PLCL2: variants seen among roughly 807,000 people sequenced by gnomAD.
The protein encoded by PLCL2 is phospholipase C like 2.
In PLCL2, 4 loss-of-function variants were observed where a neutral mutation model predicts 79.6. The observed-to-expected ratio is 0.05, with a 90% confidence interval of 0.02 to 0.11. The LOEUF (loss-of-function observed/expected upper bound fraction) is 0.11, where lower values mean the gene tolerates loss of function less well. Ranked by LOEUF, PLCL2 falls within the 10% of genes least tolerant of loss-of-function variation. PLCL2 has a pLI of 1.00. For synonymous variants in PLCL2, 484 were observed against 457.7 expected, an observed-to-expected ratio of 1.06 and a Z score of -0.73; for missense variants, 895 against 1,291.0, an observed-to-expected ratio of 0.69 and a Z score of 4.70.
At chr3:16,997,544 T>C (rs1349778485) in intron 1 of PLCL2, among the ~76,000 whole-genome samples, 1 of 150,890 alleles carries the variant, frequency 6.6e-6, no homozygotes, top group East Asian at 1.9e-4. Context: ...TTTTTTTTTT[T>C]TTTTGAGATG....
At chr3:17,030,240 T>TAA (rs1559525399) in intron 3 of PLCL2, among the ~76,000 whole-genome samples, 1 of 152,190 alleles carries the variant, frequency 6.6e-6, no homozygotes, top group Admixed American at 6.5e-5. Flanking sequence ...ACCTATTTTT[T>TAA]AAACTCTACA....
intron 1 of PLCL2, among the ~76,000 whole-genome samples, chr3:16,996,466 G>A (rs1363446047): frequency 6.6e-6 from 1 of 152,082 alleles, no homozygotes; most frequent in Non-Finnish European, 1.5e-5. Context: ...TCGTGTTATA[G>A]GATTGTTGAA....
chr3:17,010,185 A>G lies in PLCL2; in HGVS notation c.839A>G (p.Asp280Gly). The change falls in exon 2 of 6, where the codon GAT becomes GGT. Residue 280 changes from aspartate to glycine, a missense_variant. Physicochemically the swap from Asp to Gly is moderately conservative, Grantham distance 94. This residue lies in a region of PLCL2 where 93 missense variants were observed against 93.2 expected (regional missense o/e 1.00). Coordinates refer to ENST00000615277, the MANE Select transcript of PLCL2 (RefSeq NM_001144382.2). This position sits in a 1 kb window ranked among gnomAD's most constrained non-coding sequence, Gnocchi z 5.8. ...GTTTCACAAATGTTTAGTGAAATTG[A>G]TGTAGATAACCTTGGACATATAACT... Reference protein sequence around the residue: ...SWVSQMFSEIDVDNLGHITLC... With the variant: ...SWVSQMFSEIGVDNLGHITLC... 2 of 1,614,024 alleles carry G rather than the reference A, an allele frequency of 1.2e-6. No homozygotes were observed. The highest frequency in any genetic ancestry group is 1.7e-6 in the Non-Finnish European group (2 of 1,179,866).
At chr3:16,890,242 C>G (rs1364544927) in intron 1 of PLCL2, among the ~76,000 whole-genome samples, 1 of 152,192 alleles carries the variant, frequency 6.6e-6, no homozygotes, top group African/African-American at 2.4e-5. Flanking sequence ...CAGCCTCCCC[C>G]AAATGGTTGT....
At chr3:17,086,289 A>G (rs1363113981) in intron 5 of PLCL2, among the ~76,000 whole-genome samples, 1 of 152,218 alleles carries the variant, frequency 6.6e-6, no homozygotes, top group African/African-American at 2.4e-5. Flanking sequence ...CACACAAAGC[A>G]GTTACTCAAT....
Position 16,959,966 on chromosome 3 carries a change from G to A in PLCL2, c.328-49708G>A, listed in dbSNP as rs551984019. On this transcript the variant is annotated intron_variant, in intron 1 of 5. Coordinates refer to ENST00000615277, the MANE Select transcript of PLCL2 (RefSeq NM_001144382.2). ...TAAAAATACAAAAGATTAGCTGGGC[G>A]TGGTGGCAGGCACCTGTAGTCCCAG... 1.6e-4 allele frequency among the ~76,000 whole-genome samples: 25 copies of A among 152,192 alleles called. No individual in the cohort carries two copies. In the South Asian group the frequency reaches 5.2e-3, roughly 32 times the overall value.
At chr3:17,055,783 G>A (rs1003763650) in intron 4 of PLCL2, among the ~76,000 whole-genome samples, 5 of 152,178 alleles carry the variant, frequency 3.3e-5, no homozygotes, top group African/African-American at 4.8e-5. Context: ...CCTCTTCTGA[G>A]TTCATGCTCT....
chr3:16,980,747 A>C (rs920751365), intron 1 of PLCL2, among the ~76,000 whole-genome samples: 14 of 152,234 alleles, frequency 9.2e-5, no homozygotes, highest in Non-Finnish European at 4.4e-5. Flanking sequence ...GGCCGGGCAG[A>C]GGCTGCAATC....
chr3:16,999,173 C>G (rs899295547), intron 1 of PLCL2, among the ~76,000 whole-genome samples: 1 of 151,310 alleles, frequency 6.6e-6, no homozygotes, highest in African/African-American at 2.4e-5. Context: ...GGTTTTTTTT[C>G]CCTATGGGTG....
intron 1 of PLCL2, among the ~76,000 whole-genome samples, chr3:16,951,010 A>G (rs921330812): frequency 6.6e-6 from 1 of 152,104 alleles, no homozygotes; most frequent in African/African-American, 2.4e-5. Context: ...GATCAACCAG[A>G]CAATACACAT....
chr3:17,043,677 T>C (rs2064751297), intron 4 of PLCL2, among the ~76,000 whole-genome samples: 1 of 152,150 alleles, frequency 6.6e-6, no homozygotes, highest in Non-Finnish European at 1.5e-5. Flanking sequence ...TTGCTGTTCT[T>C]TAAAACCAAG....
chr3:16,983,064 A>G (rs555826540), intron 1 of PLCL2, among the ~76,000 whole-genome samples: 1 of 152,326 alleles, frequency 6.6e-6, no homozygotes, highest in Admixed American at 6.5e-5. Flanking sequence ...GATATAAAGT[A>G]TATACTAAAT....
intron 1 of PLCL2, among the ~76,000 whole-genome samples, chr3:16,999,229 C>T (rs115531790): frequency 0.01 from 1,531 of 152,190 alleles, 30 homozygotes; most frequent in African/African-American, 0.035. Context: ...AGCTGGCTAT[C>T]TTTGACAGTT....
At chr3:16,908,118 G>A (rs1033314382) in intron 1 of PLCL2, among the ~76,000 whole-genome samples, 29 of 151,936 alleles carry the variant, frequency 1.9e-4, no homozygotes, top group Middle Eastern at 3.4e-3. Flanking sequence ...TTTTATTATG[G>A]GAAATGGACA....
At chr3:17,001,469 GTAGTTTCA>G (rs1374144567) in intron 1 of PLCL2, among the ~76,000 whole-genome samples, 1 of 152,030 alleles carries the variant, frequency 6.6e-6, no homozygotes, top group Non-Finnish European at 1.5e-5. Context: ...TTTTCTTCTA[GTAGTTTCA>G]TAGTTTCAGG....
intron 4 of PLCL2, among the ~76,000 whole-genome samples, chr3:17,061,724 AT>A (rs1292469766): frequency 1.3e-5 from 2 of 152,058 alleles, no homozygotes; most frequent in East Asian, 3.8e-4. Context: ...CAATAATGTA[AT>A]TTTGTATGGC....
At chr3:16,928,376 G>A (rs943053839) in intron 1 of PLCL2, among the ~76,000 whole-genome samples, 2 of 152,224 alleles carry the variant, frequency 1.3e-5, no homozygotes, top group African/African-American at 4.8e-5. Context: ...TACAGAGGCC[G>A]ATTTTGCATT....
At chr3:16,909,641 C>A (rs1462994329) in intron 1 of PLCL2, among the ~76,000 whole-genome samples, 2 of 152,130 alleles carry the variant, frequency 1.3e-5, no homozygotes, top group Admixed American at 6.5e-5. Context: ...CCCAGATATT[C>A]TTTTATTAAT....
At chr3:16,980,402 G>T (rs1254412494) in intron 1 of PLCL2, among the ~76,000 whole-genome samples, 4 of 147,854 alleles carry the variant, frequency 2.7e-5, no homozygotes, top group Non-Finnish European at 6.0e-5. Flanking sequence ...GGCCGGAGGG[G>T]CTCCTCACTT....
Sources: gnomAD v4.1 joint callset for allele counts (sites outside exome capture counted in the v4.1 genomes callset) on GRCh38, gnomAD v4.1.1 for gene constraint, gnomAD v4.1.1 regional missense constraint, Gnocchi (gnomAD v3.1) non-coding constraint, MANE v1.5 for transcripts, NCBI Gene and HGNC (gene_info 2026-07-23, HGNC 2026-07-21) for gene names.